SMAD9: variants seen among roughly 807,000 people sequenced by gnomAD.
SMAD9 encodes the protein MAD homolog 9.
Under a neutral mutation model 46.1 loss-of-function variants are expected in SMAD9, and 36 were observed. That is an observed-to-expected ratio of 0.78 (90% CI 0.60 to 1.03). The LOEUF is 1.03. Among genes scored for constraint, SMAD9 ranks in the 50% least tolerant of loss-of-function variants. The pLI, the probability that SMAD9 is intolerant of heterozygous loss-of-function variation, is 0.00. For missense variants in SMAD9, 572 were observed against 599.8 expected (o/e 0.95, Z 0.48); for synonymous variants, 245 against 237.1 (o/e 1.03, Z -0.31).
chr13:36,889,698 C>T (rs1352219388), intron 1 of SMAD9, among the ~76,000 whole-genome samples: 1 of 152,100 alleles, frequency 6.6e-6, no homozygotes, highest in African/African-American at 2.4e-5. Context: ...TAAAACATCC[C>T]ACATTCTCAA....
chr13:36,910,900 T>A (rs142876677), intron 1 of SMAD9, among the ~76,000 whole-genome samples: 39 of 152,324 alleles, frequency 2.6e-4, no homozygotes, highest in African/African-American at 8.9e-4. Flanking sequence ...CCAAGCCACA[T>A]TGTGGTCTGT....
intron 5 of SMAD9, 100 bp downstream of exon 5, chr13:36,865,437 G>C (rs1593566732): frequency 2.1e-6 from 2 of 949,228 alleles, no homozygotes; most frequent in Non-Finnish European, 3.4e-6. Context: ...CTTCCACAGG[G>C]GCACATGACC....
intron 1 of SMAD9, among the ~76,000 whole-genome samples, chr13:36,912,135 A>G (rs1252035960): frequency 6.6e-6 from 1 of 152,248 alleles, no homozygotes; most frequent in African/African-American, 2.4e-5. Context: ...TCACTCTTCC[A>G]AATACCCCTT....
intron 1 of SMAD9, among the ~76,000 whole-genome samples, chr13:36,919,515 G>C (rs1261095718): frequency 6.6e-6 from 1 of 152,128 alleles, no homozygotes; most frequent in African/African-American, 2.4e-5. Flanking sequence ...CTACGAAACA[G>C]AAGGCAAGTG....
rs533744642 is a variant in SMAD9, at chr13:36,885,025, A to G, written c.-186-5150T>C. On this transcript the variant is annotated intron_variant, in intron 1 of 6. Coordinates refer to ENST00000379826, the MANE Select transcript of SMAD9 (RefSeq NM_001127217.3). ...TTTGTTTTTGTCTTTTAATTTTTCA[A>G]ACTTATCAATTTTGACCCGCTAATC... Among the ~76,000 whole-genome samples, 9 of 152,312 alleles carry G rather than the reference A, an allele frequency of 5.9e-5. No homozygotes were observed. The South Asian group carries it at 1.7e-3, about 28-fold the overall frequency.
At chr13:36,887,117 G>T (rs2058452866) in intron 1 of SMAD9, among the ~76,000 whole-genome samples, 1 of 129,428 alleles carries the variant, frequency 7.7e-6, no homozygotes, top group Non-Finnish European at 1.5e-5. Context: ...TGATCTTCCT[G>T]CCTCAGCCTC....
intron 1 of SMAD9, among the ~76,000 whole-genome samples, chr13:36,885,483 T>C (rs2058437749): frequency 6.6e-6 from 1 of 152,230 alleles, no homozygotes. Flanking sequence ...TCATAAGCTG[T>C]ATTATAAGAC....
At chr13:36,916,849 C>T (rs766543851) in intron 1 of SMAD9, among the ~76,000 whole-genome samples, 2 of 151,118 alleles carry the variant, frequency 1.3e-5, no homozygotes, top group Admixed American at 6.6e-5. Context: ...ATGAAGAAGT[C>T]ATATTTGAGG....
intron 1 of SMAD9, among the ~76,000 whole-genome samples, chr13:36,910,569 A>C (rs2058653549): frequency 6.6e-6 from 1 of 152,186 alleles, no homozygotes; most frequent in Middle Eastern, 3.2e-3. Context: ...GGCTGTTCGC[A>C]ATCTGGCCTC....
rs749774669 is a variant in SMAD9 at position 36,865,687 on chromosome 13, C to G, written c.853G>C (p.Val285Leu). The change falls in exon 5 of 7, where the codon GTT (valine) becomes CTT (leucine). Residue 285 changes from valine to leucine, a missense_variant. Transcript: ENST00000379826. ...GAGGAAGCCTGGAATGTCTCCCCAA[C>G]TCGGTTGTTCAGTTCATAGTAGGCG... Reference protein sequence around the residue: ...SVAYYELNNRVGETFQASSRS... With the variant: ...SVAYYELNNRLGETFQASSRS... 1.9e-6 allele frequency: 3 copies of G among 1,614,044 alleles called. No homozygotes were observed. The highest frequency in any genetic ancestry group is 2.5e-6 in the Non-Finnish European group (3 of 1,180,038).
At chr13:36,849,704 A>G (rs557592322) in intron 6 of SMAD9, 19 of 152,234 alleles carry the variant, frequency 1.2e-4, no homozygotes, top group African/African-American at 4.1e-4. Context: ...AATGAGAAAA[A>G]TGAATACATC....
intron 1 of SMAD9, among the ~76,000 whole-genome samples, chr13:36,894,092 T>C (rs1320638122): frequency 1.3e-5 from 2 of 152,176 alleles, no homozygotes; most frequent in South Asian, 2.1e-4. Context: ...AATCCATAAC[T>C]AGAATAGCAT....
rs1452503880 is a variant in SMAD9 at position 36,848,953 on chromosome 13, C to A, written c.1261-134G>T. 9.6e-6 allele frequency: 7 copies of A among 732,640 alleles called. No homozygotes were observed. The East Asian group carries it at 1.3e-4, about 14-fold the overall frequency. 45.4% of individuals were successfully genotyped at this position (732,640 alleles called of 1,614,324 possible). A position where few individuals can be genotyped will look rare whatever the true frequency, so the allele number is the denominator to read the frequency against. On this transcript the variant is annotated intron_variant, in intron 6 of 6. Transcript: ENST00000379826. ...GAGACCTGAGAGGGAGAGAACATGG[C>A]CTCTACCTTCCTGTAAACACAGGTC...
chr13:36,870,105 G>C (rs1379452956), intron 3 of SMAD9, among the ~76,000 whole-genome samples: 1 of 152,084 alleles, frequency 6.6e-6, no homozygotes, highest in East Asian at 1.9e-4. Flanking sequence ...AAGTGAAAAG[G>C]GCTATGCCTT....
chr13:36,869,829 C>CAAAAA (rs34654500), intron 3 of SMAD9, among the ~76,000 whole-genome samples: 1 of 143,240 alleles, frequency 7.0e-6, no homozygotes, highest in Non-Finnish European at 1.5e-5. Flanking sequence ...AACTCCATCT[C>CAAAAA]AAAAAAAAAA....
At chr13:36,889,440 C>T (rs1022710360) in intron 1 of SMAD9, among the ~76,000 whole-genome samples, 27 of 152,300 alleles carry the variant, frequency 1.8e-4, no homozygotes, top group African/African-American at 6.3e-4. Context: ...TAAAACTCTA[C>T]TTAAATCGCA....
intron 5 of SMAD9, among the ~76,000 whole-genome samples, chr13:36,861,445 G>A (rs1367367307): frequency 6.6e-6 from 1 of 151,760 alleles, no homozygotes; most frequent in Admixed American, 6.6e-5. Context: ...CTCCTGCGTA[G>A]CTGGTATTAC....
intron 5 of SMAD9, 99 bp downstream of exon 5, chr13:36,865,438 G>C: frequency 1.0e-6 from 1 of 959,210 alleles, no homozygotes; most frequent in Non-Finnish European, 1.7e-6. Context: ...TTCCACAGGG[G>C]CACATGACCA....
At chr13:36,901,242 G>A (rs1448379059) in intron 1 of SMAD9, among the ~76,000 whole-genome samples, 1 of 152,122 alleles carries the variant, frequency 6.6e-6, no homozygotes, top group Admixed American at 6.5e-5. Flanking sequence ...CTTTTTGAGA[G>A]ACTGCCACAC....
Sources: gnomAD v4.1 joint callset for allele counts (sites outside exome capture counted in the v4.1 genomes callset) on GRCh38, gnomAD v4.1.1 for gene constraint, MANE v1.5 for transcripts, NCBI Gene and HGNC (gene_info 2026-07-23, HGNC 2026-07-21) for gene names.